Variants in IL1RAPL1 observed in about 807,000 individuals in gnomAD.
IL1RAPL1 encodes interleukin-1 receptor accessory protein-like 1.
Under a neutral mutation model 48.4 loss-of-function variants are expected in IL1RAPL1, and 3 were observed. That is an observed-to-expected ratio of 0.06 (90% CI 0.03 to 0.16). The LOEUF is 0.16. IL1RAPL1 is among the 10% of genes least tolerant of loss of function. The pLI is 1.00. For missense variants in IL1RAPL1, 349 were observed against 530.6 expected (o/e 0.66, Z 3.36); for synonymous variants, 185 against 187.7 (o/e 0.99, Z 0.12).
intron 2 of IL1RAPL1, among the ~76,000 whole-genome samples, chrX:29,129,597 T>TC (rs1928976486): frequency 1.2e-5 from 1 of 80,690 alleles, no homozygotes; most frequent in South Asian, 7.0e-4. Flanking sequence ...AATTTTTTTT[T>TC]TTTTTTTTTT....
At chrX:29,163,321 G>A (rs769193668) in intron 2 of IL1RAPL1, among the ~76,000 whole-genome samples, 2 of 111,328 alleles carry the variant, frequency 1.8e-5, no homozygotes, top group African/African-American at 3.3e-5. Flanking sequence ...TCTGAGCTGC[G>A]GCCTGGGAGT....
chrX:28,721,771 A>G lies in IL1RAPL1; in HGVS notation c.-24-67549A>G, dbSNP rs1446238212. Among the ~76,000 whole-genome samples, 293 of 107,808 alleles carry G rather than the reference A, an allele frequency of 2.7e-3. 1 individual carries two copies. Among genetic ancestry groups the G allele is most frequent in the African/African-American group, 9.6e-3 (282 of 29,408 alleles). 93.6% of individuals were successfully genotyped at this position (107,808 alleles called of 115,157 possible). A position where few individuals can be genotyped will look rare whatever the true frequency, so the allele number is the denominator to read the frequency against. ...TAATCCATCTTGAATTAATTTTTGT[A>G]TAAGGTGTAAGGAAGGGATCCAGTT... On this transcript the variant is annotated intron_variant, in intron 1 of 10. Transcript: ENST00000378993.
At chrX:29,018,360 T>G (rs1216738657) in intron 2 of IL1RAPL1, among the ~76,000 whole-genome samples, 1 of 112,118 alleles carries the variant, frequency 8.9e-6, no homozygotes, top group Non-Finnish European at 1.9e-5. Context: ...TTTGAAGCCC[T>G]ACCATTTTCT....
chrX:29,455,480 T>C (rs758500639), intron 5 of IL1RAPL1, among the ~76,000 whole-genome samples: 1 of 112,027 alleles, frequency 8.9e-6, no homozygotes, highest in Admixed American at 9.5e-5. Flanking sequence ...AGAGTGTTAA[T>C]TGTTAATTAT....
intron 3 of IL1RAPL1, among the ~76,000 whole-genome samples, chrX:29,345,703 C>G (rs1381668403): frequency 9.0e-6 from 1 of 111,256 alleles, no homozygotes; most frequent in Non-Finnish European, 1.9e-5. Context: ...ACTCTAAACT[C>G]TGGTACATTT....
At chrX:29,451,765 G>A (rs912246702) in intron 5 of IL1RAPL1, among the ~76,000 whole-genome samples, 2 of 111,435 alleles carry the variant, frequency 1.8e-5, no homozygotes, top group African/African-American at 6.5e-5. Flanking sequence ...CATTAAAAAC[G>A]GTTCTCATTT....
At chrX:29,279,992 C>T (rs1452667098) in intron 2 of IL1RAPL1, among the ~76,000 whole-genome samples, 2 of 111,834 alleles carry the variant, frequency 1.8e-5, no homozygotes, top group Non-Finnish European at 3.8e-5. Context: ...ATACTGCTAA[C>T]TTGAAGGTAT....
chrX:28,672,494 C>T (rs1174223060), intron 1 of IL1RAPL1, among the ~76,000 whole-genome samples: 2 of 111,461 alleles, frequency 1.8e-5, no homozygotes, highest in South Asian at 3.8e-4. Flanking sequence ...CCTTTCACAG[C>T]GGAGTCTACC....
chrX:28,923,639 T>C (rs1923669441), intron 2 of IL1RAPL1, among the ~76,000 whole-genome samples: 1 of 110,494 alleles, frequency 9.1e-6, no homozygotes, highest in Admixed American at 9.7e-5. Context: ...AATAGATGGG[T>C]GGGTATGTAA....
At chrX:28,920,452 A>AT (rs1159975226) in intron 2 of IL1RAPL1, among the ~76,000 whole-genome samples, 1 of 111,370 alleles carries the variant, frequency 9.0e-6, no homozygotes, top group Non-Finnish European at 1.9e-5. Flanking sequence ...GAAAAGTACT[A>AT]TTTTTCCCAC....
chrX:29,584,649 G>T (rs1923095560), intron 5 of IL1RAPL1, among the ~76,000 whole-genome samples: 1 of 111,401 alleles, frequency 9.0e-6, no homozygotes, highest in African/African-American at 3.3e-5. Context: ...GACCTCCCAG[G>T]CTCAAGTGAT....
intron 6 of IL1RAPL1, among the ~76,000 whole-genome samples, chrX:29,852,433 A>G (rs1188066650): frequency 8.9e-6 from 1 of 112,162 alleles, no homozygotes; most frequent in African/African-American, 3.2e-5. Context: ...AGACACTGGA[A>G]TGATGTCACT....
At chrX:29,931,713 A>C (rs1396853660) in intron 8 of IL1RAPL1, among the ~76,000 whole-genome samples, 1 of 112,387 alleles carries the variant, frequency 8.9e-6, no homozygotes. Flanking sequence ...TAGGCAGTCC[A>C]GATGTTCTGG....
chrX:28,907,863 G>A (rs1041063336), intron 2 of IL1RAPL1, among the ~76,000 whole-genome samples: 13 of 111,602 alleles, frequency 1.2e-4, no homozygotes, highest in African/African-American at 3.9e-4. Context: ...AAATAATCAG[G>A]TCCTTGTTCT....
intron 5 of IL1RAPL1, among the ~76,000 whole-genome samples, chrX:29,575,779 C>G (rs1391810918): frequency 8.9e-6 from 1 of 112,098 alleles, no homozygotes; most frequent in Non-Finnish European, 1.9e-5. Flanking sequence ...AGGGTGATAG[C>G]TCTTCTAAAT....
intron 1 of IL1RAPL1, among the ~76,000 whole-genome samples, chrX:28,655,240 G>A (rs1934736437): frequency 9.0e-6 from 1 of 110,766 alleles, no homozygotes; most frequent in Admixed American, 9.7e-5. Context: ...AAATACCAGT[G>A]AGGTACTTTG....
intron 5 of IL1RAPL1, among the ~76,000 whole-genome samples, chrX:29,493,932 T>C (rs1449833121): frequency 9.0e-6 from 1 of 111,437 alleles, no homozygotes; most frequent in Non-Finnish European, 1.9e-5. Context: ...TCTCGCTCTG[T>C]TGCCCAGGCT....
At chrX:29,246,698 C>T (rs974160472) in intron 2 of IL1RAPL1, among the ~76,000 whole-genome samples, 3 of 111,309 alleles carry the variant, frequency 2.7e-5, no homozygotes, top group African/African-American at 9.8e-5. Context: ...TATGGGTTCT[C>T]TCTTCTATGT....
At chrX:29,777,656 C>A (rs910369034) in intron 6 of IL1RAPL1, among the ~76,000 whole-genome samples, 1 of 110,965 alleles carries the variant, frequency 9.0e-6, no homozygotes, top group Non-Finnish European at 1.9e-5. Context: ...TCTTTCCCCC[C>A]ACTCAAAGTT....
Sources: gnomAD v4.1 joint callset for allele counts (sites outside exome capture counted in the v4.1 genomes callset) on GRCh38, gnomAD v4.1.1 for gene constraint, MANE v1.5 for transcripts, NCBI Gene and HGNC (gene_info 2026-07-23, HGNC 2026-07-21) for gene names.